The following GFRA1 variants were observed in gnomAD, a reference collection of about 807,000 sequenced individuals.
GFRA1 encodes GDNF family receptor alpha-1.
A neutral mutation model predicts 51.6 loss-of-function variants in GFRA1; 16 were observed. The observed-to-expected ratio is 0.31, with a 90% CI of 0.21 to 0.47. The LOEUF (loss-of-function observed/expected upper bound fraction) is 0.47, where lower values mean the gene tolerates loss of function less well. GFRA1 is among the 20% of genes least tolerant of loss of function. The pLI is 1.00. For missense variants in GFRA1, 530 were observed against 594.3 expected (o/e 0.89, Z 1.13); for synonymous variants, 270 against 241.3 (o/e 1.12, Z -1.10).
chr10:116,120,007 T>G (rs527880213), intron 6 of GFRA1, among the ~76,000 whole-genome samples: 1 of 152,310 alleles, frequency 6.6e-6, no homozygotes, highest in African/African-American at 2.4e-5. Context: ...GCCTTCTTGG[T>G]TCTGCTAAAA....
chr10:116,247,330 T>TA (rs1165795856), intron 4 of GFRA1, among the ~76,000 whole-genome samples: 1 of 152,206 alleles, frequency 6.6e-6, no homozygotes, highest in African/African-American at 2.4e-5. Flanking sequence ...GAGCTGATGT[T>TA]ACAACAAACT....
rs780938475 is a variant in GFRA1 at position 116,269,553 on chromosome 10, G to C, written c.368C>G (p.Pro123Arg). Reference sequence around the variant, plus strand: ...TATATCTGACAATCTGCTGTTAACTGGTTCATATGGGGAATCCTCCAGCAG... The same window carrying C: ...TATATCTGACAATCTGCTGTTAACTCGTTCATATGGGGAATCCTCCAGCAG... ...NDLLEDSPYE[P>R]VNSRLSDIFR... Residue 123 changes from proline (P) to arginine (R), a missense_variant, in exon 4 of 11, where the codon CCA (proline) becomes CGA (arginine). Pro to Arg is a moderately radical substitution (Grantham distance 103). Transcript: ENST00000355422. The C allele has an allele frequency of 6.2e-7, 1 of 1,607,254 alleles. No homozygotes were observed. Among genetic ancestry groups the C allele is most frequent in the Non-Finnish European group, 8.5e-7 (1 of 1,173,722 alleles).
chr10:116,199,907 G>A (rs1589866537), intron 5 of GFRA1, among the ~76,000 whole-genome samples: 1 of 152,154 alleles, frequency 6.6e-6, no homozygotes, highest in South Asian at 2.1e-4. Flanking sequence ...AGAAGGAAAC[G>A]ATGTTGAGTT....
rs74850709 is a variant in GFRA1 at position 116,217,639 on chromosome 10, G to A, written c.419-5994C>T. Among the ~76,000 whole-genome samples, 15 of 152,310 alleles carry A rather than the reference G, an allele frequency of 9.8e-5. No individual in the cohort carries two copies. The East Asian group carries it at 2.7e-3, about 27-fold the overall frequency. On this transcript the variant is annotated intron_variant, in intron 4 of 10. Transcript: ENST00000355422. The stretch of plus-strand genomic sequence containing the variant: ...GTGAAAGTCAATGGTATAATAATAA[G>A]CAATAGAAACAGGGTCATAAAAACT...
At chr10:116,166,993 G>T (rs1960519293) in intron 5 of GFRA1, among the ~76,000 whole-genome samples, 1 of 151,512 alleles carries the variant, frequency 6.6e-6, no homozygotes, top group Admixed American at 6.6e-5. Context: ...TAGAGATGGG[G>T]TTTCATCGTG....
intron 5 of GFRA1, among the ~76,000 whole-genome samples, chr10:116,130,420 T>C (rs142736041): frequency 1.2e-4 from 19 of 152,202 alleles, no homozygotes; most frequent in Admixed American, 5.2e-4. Flanking sequence ...CTAAAGCTTA[T>C]ATGGAAACGC....
At chr10:116,158,547 G>A (rs1285770456) in intron 5 of GFRA1, among the ~76,000 whole-genome samples, 1 of 152,192 alleles carries the variant, frequency 6.6e-6, no homozygotes, top group Non-Finnish European at 1.5e-5. Flanking sequence ...CAGGAGGAGG[G>A]GGAAGGCCGT....
Position 116,272,086 on chromosome 10 carries a change from G to A in GFRA1, c.-57C>T. 7.0e-7 allele frequency: 1 copy of A among 1,431,694 alleles called. No homozygotes were observed. Among genetic ancestry groups the A allele is most frequent in the Non-Finnish European group, 9.6e-7 (1 of 1,040,204 alleles). 88.7% of individuals were successfully genotyped at this position (1,431,694 alleles called of 1,614,324 possible). On this transcript the variant is annotated 5_prime_UTR_variant, in exon 2 of 11. Transcript: ENST00000355422. This position sits in a 1 kb window ranked among gnomAD's most constrained non-coding sequence, Gnocchi z 4.4. The stretch of plus-strand genomic sequence containing the variant: ...CAAAAAAATCCCGAGCCGCCGCTGG[G>A]TCTTGCCGAGGGAGCTCAGCGTGCA...
chr10:116,098,406 G>A (rs1256976291), intron 6 of GFRA1, among the ~76,000 whole-genome samples: 2 of 152,192 alleles, frequency 1.3e-5, no homozygotes, highest in African/African-American at 2.4e-5. Context: ...TAAAGGATTC[G>A]TTTTTCAGAG....
Position 116,057,847 on chromosome 10 carries a change from G to A in GFRA1, c.*6551C>T. 1 of 151,712 alleles carries A rather than the reference G, an allele frequency of 6.6e-6. No homozygotes were observed. Among genetic ancestry groups the A allele is most frequent in the South Asian group, 2.1e-4 (1 of 4,798 alleles). The allele number at this position is 151,712 out of a possible 1,614,324, so 9.4% of individuals were successfully genotyped here. A position where few individuals can be genotyped will look rare whatever the true frequency, so the allele number is the denominator to read the frequency against. Reference sequence around the variant, plus strand: ...AAATATGGCAGGGCAAACTGATTTGGTTCTGCGATTTCCATTCTCCTCTCC... The same window carrying A: ...AAATATGGCAGGGCAAACTGATTTGATTCTGCGATTTCCATTCTCCTCTCC... On this transcript the variant is annotated 3_prime_UTR_variant, in exon 11 of 11. Coordinates refer to ENST00000355422, the MANE Select transcript of GFRA1 (RefSeq NM_005264.8).
intron 7 of GFRA1, 43 bp from the exon 8 acceptor site, chr10:116,093,879 AC>A (rs1358657736): frequency 6.2e-7 from 1 of 1,602,458 alleles, no homozygotes; most frequent in Admixed American, 1.7e-5. Flanking sequence ...GTATGATGAT[AC>A]TTTTCCATGG....
chr10:116,064,577 T>C, intron 10 of GFRA1, 33 bp from the exon 11 acceptor site: 2 of 1,586,494 alleles, frequency 1.3e-6, no homozygotes, highest in Admixed American at 1.7e-5. Context: ...TATCATCCAC[T>C]GCATGTCTTC....
intron 5 of GFRA1, among the ~76,000 whole-genome samples, chr10:116,198,733 C>T (rs1162460412): frequency 2.6e-5 from 4 of 152,174 alleles, no homozygotes; most frequent in Non-Finnish European, 5.9e-5. Flanking sequence ...CCAGTCCTCC[C>T]TTGATGCTTC....
At chr10:116,184,213 GC>G (rs951223999) in intron 5 of GFRA1, among the ~76,000 whole-genome samples, 5 of 152,216 alleles carry the variant, frequency 3.3e-5, no homozygotes, top group African/African-American at 9.6e-5. Context: ...TGACCCTCTA[GC>G]AACTGGCTTA....
intron 6 of GFRA1, among the ~76,000 whole-genome samples, chr10:116,118,354 T>C (rs1317105947): frequency 6.6e-6 from 1 of 152,176 alleles, no homozygotes; most frequent in African/African-American, 2.4e-5. Context: ...GATGCTCTCC[T>C]AAACCTTTGA....
intron 6 of GFRA1, among the ~76,000 whole-genome samples, chr10:116,105,298 C>A (rs2133945169): frequency 6.6e-6 from 1 of 152,092 alleles, no homozygotes; most frequent in African/African-American, 2.4e-5. Flanking sequence ...TGGCTTTTGG[C>A]CACAAGAAAA....
At chr10:116,133,868 T>C (rs960288742) in intron 5 of GFRA1, among the ~76,000 whole-genome samples, 1 of 152,176 alleles carries the variant, frequency 6.6e-6, no homozygotes, top group Admixed American at 6.5e-5. Context: ...GGGAGAAGCT[T>C]TCATATTCTA....
At position 116,111,401 on chromosome 10, in the gene GFRA1, T is replaced by C. The variant is rs140938100; in HGVS notation, c.770+13820A>G. 3.2e-4 allele frequency among the ~76,000 whole-genome samples: 48 copies of C among 152,300 alleles called. 1 individual carries two copies. The highest frequency in any genetic ancestry group is 1.1e-3 in the African/African-American group (46 of 41,572). On this transcript the variant is annotated intron_variant, in intron 6 of 10. Coordinates refer to ENST00000355422, the MANE Select transcript of GFRA1 (RefSeq NM_005264.8). ...TGTCTGAAGAACTATCAGCAGGCAATAGAGCCCTTCCAGTGGTCCCCACAG... is the reference window on the plus strand; with the variant it reads ...TGTCTGAAGAACTATCAGCAGGCAACAGAGCCCTTCCAGTGGTCCCCACAG...
At chr10:116,138,787 G>A (rs147850879) in intron 5 of GFRA1, among the ~76,000 whole-genome samples, 3,660 of 152,110 alleles carry the variant, frequency 0.024, 58 homozygotes, top group Admixed American at 0.045. Flanking sequence ...ATGGAGTGTT[G>A]GTGAGTCTTC....
Sources: allele counts gnomAD v4.1 joint callset (sites outside exome capture counted in the v4.1 genomes callset), GRCh38; gene constraint gnomAD v4.1.1; non-coding constraint Gnocchi (gnomAD v3.1); transcripts MANE v1.5; gene names NCBI Gene and HGNC (gene_info 2026-07-23, HGNC 2026-07-21).